The following HM13 variants were observed in gnomAD, a reference collection of about 807,000 sequenced individuals.
The protein encoded by HM13 is signal peptide peptidase.
A neutral mutation model predicts 50.0 loss-of-function variants in HM13; 18 were observed. The observed-to-expected ratio is 0.36, with a 90% CI of 0.25 to 0.53. The LOEUF is 0.53. Among genes scored for constraint, HM13 ranks in the 20% least tolerant of loss-of-function variants. The probability of loss-of-function intolerance (pLI) is 0.90; values close to 1 mark genes in which losing one functional copy is unlikely to be tolerated. For missense variants in HM13, 393 were observed against 552.4 expected (o/e 0.71, Z 2.89); for synonymous variants, 197 against 232.6 (o/e 0.85, Z 1.39).
At chr20:31,520,567 G>T (rs1372178488) in intron 1 of HM13, among the ~76,000 whole-genome samples, 1 of 152,216 alleles carries the variant, frequency 6.6e-6, no homozygotes, top group Non-Finnish European at 1.5e-5. Context: ...GCCTCCCATA[G>T]TGCTGGGATT....
At chr20:31,533,510 A>C (rs1033295343) in intron 2 of HM13, among the ~76,000 whole-genome samples, 3 of 152,198 alleles carry the variant, frequency 2.0e-5, no homozygotes, top group Non-Finnish European at 4.4e-5. Flanking sequence ...GTCTCAAAAA[A>C]AACAACAACA....
chr20:31,530,973 C>T (rs1316533848), intron 2 of HM13, among the ~76,000 whole-genome samples: 1 of 152,166 alleles, frequency 6.6e-6, no homozygotes, highest in Non-Finnish European at 1.5e-5. Flanking sequence ...GTGTGCTGGC[C>T]TACCCAGGCG....
chr20:31,561,487 C>T (rs941263537), intron 9 of HM13, 147 bp from the exon 10 acceptor site: 13 of 645,486 alleles, frequency 2.0e-5, no homozygotes, highest in African/African-American at 1.4e-4. Flanking sequence ...GCAGTATCAG[C>T]GTGCACACCC....
intron 8 of HM13, 70 bp downstream of exon 8, chr20:31,554,899 G>T (rs1397638895): frequency 8.1e-7 from 1 of 1,239,586 alleles, no homozygotes; most frequent in Non-Finnish European, 1.2e-6. Flanking sequence ...GGGGATTACT[G>T]CTAAACAGAC....
intron 2 of HM13, among the ~76,000 whole-genome samples, chr20:31,536,816 A>G (rs975894130): frequency 2.6e-5 from 4 of 152,138 alleles, no homozygotes; most frequent in African/African-American, 7.2e-5. Flanking sequence ...CCTGTCTAAA[A>G]TAGCAGCTCT....
chr20:31,528,646 T>G (rs762882749), intron 2 of HM13, among the ~76,000 whole-genome samples: 3 of 152,230 alleles, frequency 2.0e-5, no homozygotes, highest in Non-Finnish European at 4.4e-5. Flanking sequence ...GCCCAGCTAA[T>G]TTTTGTATTT....
At chr20:31,536,458 C>A (rs6059846) in intron 2 of HM13, among the ~76,000 whole-genome samples, 41,628 of 152,016 alleles carry the variant, frequency 0.27, 8,605 homozygotes, top group African/African-American at 0.58. Flanking sequence ...CACCGTCCCC[C>A]TCTCCTGCTC....
At chr20:31,520,999 C>T (rs998603155) in intron 1 of HM13, among the ~76,000 whole-genome samples, 1 of 152,228 alleles carries the variant, frequency 6.6e-6, no homozygotes, top group East Asian at 1.9e-4. Flanking sequence ...TCCAGAATGT[C>T]ACTGGAAGCT....
rs1195085469 is a variant in HM13, at chr20:31,514,577, A to C, written c.26A>C (p.His9Pro). ...ATGGACTCGGCCCTCAGCGATCCGCATAACGGCAGTGCCGAGGCAGGCGGC... is the reference window on the plus strand; with the variant it reads ...ATGGACTCGGCCCTCAGCGATCCGCCTAACGGCAGTGCCGAGGCAGGCGGC... Reference protein sequence around the residue: MDSALSDPHNGSAEAGGPT... With the variant: MDSALSDPPNGSAEAGGPT... The change falls in exon 1 of 13, where the codon CAT (histidine) becomes CCT (proline). Residue 9 changes from histidine to proline, a missense_variant. Physicochemically the swap from His to Pro is moderately conservative, Grantham distance 77. Around this residue, in one of 3 missense-constraint regions of HM13, gnomAD observed 214 missense variants for 276.1 expected, o/e 0.77. Coordinates refer to ENST00000398174, the MANE Select transcript of HM13 (RefSeq NM_178581.3). The surrounding 1 kb of genome is among the most constrained non-coding windows in gnomAD (Gnocchi z 4.3). 5 of 1,606,632 alleles carry C rather than the reference A, an allele frequency of 3.1e-6. No homozygotes were observed. The highest frequency in any genetic ancestry group is 3.4e-5 in the Admixed American group (2 of 59,188).
chr20:31,519,591 G>T (rs554791588), intron 1 of HM13, among the ~76,000 whole-genome samples: 46 of 152,142 alleles, frequency 3.0e-4, no homozygotes, highest in Non-Finnish European at 5.7e-4. Context: ...CCCAGAACTT[G>T]TTAGAAATGC....
At chr20:31,517,293 T>C (rs1027998041) in intron 1 of HM13, among the ~76,000 whole-genome samples, 2 of 151,444 alleles carry the variant, frequency 1.3e-5, no homozygotes, top group Admixed American at 1.3e-4. Context: ...CCTCCAGGAG[T>C]ATGTTGTGAA....
rs753116454 is a variant in HM13 at position 31,568,093 on chromosome 20, G to A, written c.1050G>A (p.Ala350=). The A allele has an allele frequency of 1.7e-5, 28 of 1,610,388 alleles. No individual in the cohort carries two copies. Among genetic ancestry groups the A allele is most frequent in the African/African-American group, 4.0e-5 (3 of 74,786 alleles). ...VTEMFSYESS[A]EILPHTPRLT... ...TCTCACACAGCTACGAGTCCTCGGC[G>A]GAAATCCTGCCTCATACCCCGAGGC... The change falls in exon 12 of 13, where the codon GCG becomes GCA. Residue 350 remains alanine, a synonymous_variant. Transcript: ENST00000398174.
intron 3 of HM13, chr20:31,538,958 G>C (rs1983279872): frequency 1.8e-6 from 1 of 545,118 alleles, no homozygotes; most frequent in African/African-American, 2.1e-5. Flanking sequence ...CTGTATGATA[G>C]TCATGGAAAC....
chr20:31,543,851 A>G (rs565720511), intron 3 of HM13, among the ~76,000 whole-genome samples: 6 of 151,766 alleles, frequency 4.0e-5, no homozygotes, highest in South Asian at 2.1e-4. Flanking sequence ...GGAGAATGGC[A>G]TGAACCCAGG....
At chr20:31,529,088 T>C in intron 2 of HM13, among the ~76,000 whole-genome samples, 1 of 152,194 alleles carries the variant, frequency 6.6e-6, no homozygotes, top group Non-Finnish European at 1.5e-5. Context: ...GCAACCTCAA[T>C]TCCTGGACTC....
At chr20:31,538,454 C>T (rs1983247195) in intron 3 of HM13, 193 bp downstream of exon 3, 1 of 1,428,824 alleles carries the variant, frequency 7.0e-7, no homozygotes, top group Admixed American at 2.8e-5. Flanking sequence ...CCACAGTTTC[C>T]TTATAGACAT....
At chr20:31,548,143 C>A in intron 4 of HM13, 1 of 840,908 alleles carries the variant, frequency 1.2e-6, no homozygotes, top group Non-Finnish European at 2.0e-6. Flanking sequence ...AATACAATGC[C>A]TCTGTGGTTA....
At position 31,561,685 on chromosome 20, in the gene HM13, C is replaced by T; in HGVS notation, c.897C>T (p.Ile299=). The T allele has an allele frequency of 6.2e-7, 1 of 1,614,072 alleles. No individual in the cohort carries two copies. Among genetic ancestry groups the T allele is most frequent in the Non-Finnish European group, 8.5e-7 (1 of 1,179,876 alleles). The change falls in exon 10 of 13, where the codon ATC becomes ATT. Residue 299 remains isoleucine, a synonymous_variant. Coordinates refer to ENST00000398174, the MANE Select transcript of HM13 (RefSeq NM_178581.3). ...TCTACACCAGCTTTGCAGCCTACATCTTCGGCCTGGGCCTTACCATCTTCA... is the reference window on the plus strand; with the variant it reads ...TCTACACCAGCTTTGCAGCCTACATTTTCGGCCTGGGCCTTACCATCTTCA... ...TYFYTSFAAY[I]FGLGLTIFIM...
chr20:31,538,667 G>A, intron 3 of HM13: 2 of 1,115,816 alleles, frequency 1.8e-6, no homozygotes, highest in Non-Finnish European at 2.2e-6. Context: ...GCAGCATAGT[G>A]AAAAGTTAGG....
Sources: gnomAD v4.1 joint callset for allele counts (sites outside exome capture counted in the v4.1 genomes callset) on GRCh38, gnomAD v4.1.1 for gene constraint, gnomAD v4.1.1 regional missense constraint, Gnocchi (gnomAD v3.1) non-coding constraint, MANE v1.5 for transcripts, NCBI Gene and HGNC (gene_info 2026-07-23, HGNC 2026-07-21) for gene names.